Variants in RAB31 observed in about 807,000 individuals in gnomAD.
RAB31 encodes ras-related protein Rab-31.
A neutral mutation model predicts 25.6 loss-of-function variants in RAB31; 21 were observed. That is an observed-to-expected ratio of 0.82 (90% confidence interval 0.58 to 1.18). RAB31 has a LOEUF of 1.18. Ranked by LOEUF, RAB31 falls within the 50% of genes most tolerant of loss-of-function variation. The pLI is 0.00. For missense variants in RAB31, 196 were observed against 250.1 expected, an observed-to-expected ratio of 0.78 and a Z score of 1.46; for synonymous variants, 87 against 84.0, an observed-to-expected ratio of 1.04 and a Z score of -0.20.
At chr18:9,712,961 A>G (rs886097173) in intron 1 of RAB31, among the ~76,000 whole-genome samples, 4 of 152,222 alleles carry the variant, frequency 2.6e-5, no homozygotes, top group African/African-American at 9.6e-5. Flanking sequence ...AGAGCAGTCA[A>G]ATACCTGGGA....
intron 3 of RAB31, among the ~76,000 whole-genome samples, chr18:9,798,363 C>A (rs1404634106): frequency 6.6e-6 from 1 of 152,120 alleles, no homozygotes; most frequent in African/African-American, 2.4e-5. Context: ...GTTTTGGCAG[C>A]TTGTTGCTGG....
chr18:9,719,781 G>A (rs780796441), intron 1 of RAB31, among the ~76,000 whole-genome samples: 1 of 151,894 alleles, frequency 6.6e-6, no homozygotes, highest in Non-Finnish European at 1.5e-5. Context: ...TCATCAGCCC[G>A]ACCTCCTTGA....
At chr18:9,776,105 T>C (rs2068370968) in intron 2 of RAB31, among the ~76,000 whole-genome samples, 2 of 152,176 alleles carry the variant, frequency 1.3e-5, no homozygotes, top group African/African-American at 4.8e-5. Context: ...TCTGGAATTA[T>C]CTAATGCCAG....
chr18:9,856,220 A>G (rs971714472), intron 6 of RAB31: 2 of 152,208 alleles, frequency 1.3e-5, no homozygotes, highest in Non-Finnish European at 2.9e-5. Flanking sequence ...AGTTCAAAAC[A>G]TGCAGGAGGG....
chr18:9,814,133 G>T (rs1473396589), intron 4 of RAB31, 42 bp downstream of exon 4: 2 of 1,426,518 alleles, frequency 1.4e-6, no homozygotes, highest in South Asian at 1.2e-5. Context: ...ATTTATGGTG[G>T]TTCTCTCACT....
chr18:9,831,786 A>G (rs1399186507), intron 5 of RAB31, among the ~76,000 whole-genome samples: 1 of 152,226 alleles, frequency 6.6e-6, no homozygotes, highest in East Asian at 1.9e-4. Flanking sequence ...TCAGGGACAC[A>G]GTTTTCTCGA....
At chr18:9,836,130 G>A (rs1221468324) in intron 5 of RAB31, among the ~76,000 whole-genome samples, 2 of 152,064 alleles carry the variant, frequency 1.3e-5, no homozygotes, top group East Asian at 1.9e-4. Context: ...GCTCACCGCT[G>A]CTGTGCTGCT....
intron 1 of RAB31, among the ~76,000 whole-genome samples, chr18:9,753,905 G>A (rs2068247791): frequency 6.6e-6 from 1 of 152,282 alleles, no homozygotes; most frequent in African/African-American, 2.4e-5. Context: ...TGAAGAAAAG[G>A]CATTGTTGAG....
At chr18:9,743,936 G>A (rs1344189973) in intron 1 of RAB31, among the ~76,000 whole-genome samples, 1 of 152,174 alleles carries the variant, frequency 6.6e-6, no homozygotes, top group Non-Finnish European at 1.5e-5. Flanking sequence ...ATCTTCTGTG[G>A]TCCCAGGCTC....
At chr18:9,759,802 T>C (rs2145482889) in intron 1 of RAB31, among the ~76,000 whole-genome samples, 2 of 152,216 alleles carry the variant, frequency 1.3e-5, no homozygotes, top group African/African-American at 4.8e-5. Context: ...GTAGAAATAG[T>C]GTCAGTGACA....
chr18:9,832,420 GA>G (rs2068683401), intron 5 of RAB31, among the ~76,000 whole-genome samples: 1 of 152,214 alleles, frequency 6.6e-6, no homozygotes, highest in South Asian at 2.1e-4. Flanking sequence ...TTCACAGCAC[GA>G]AGATCATCAG....
intron 5 of RAB31, among the ~76,000 whole-genome samples, chr18:9,837,991 A>G (rs2068713677): frequency 6.6e-6 from 1 of 152,216 alleles, no homozygotes; most frequent in Non-Finnish European, 1.5e-5. Context: ...TCTTTTTGGC[A>G]TTCTGTAAGA....
chr18:9,761,733 C>T (rs1257670090), intron 1 of RAB31, among the ~76,000 whole-genome samples: 1 of 152,190 alleles, frequency 6.6e-6, no homozygotes, highest in Non-Finnish European at 1.5e-5. Context: ...TCATGCATGG[C>T]AGCTTGCAAG....
chr18:9,800,174 A>G (rs1319295259), intron 3 of RAB31, among the ~76,000 whole-genome samples: 2 of 152,226 alleles, frequency 1.3e-5, no homozygotes, highest in Non-Finnish European at 2.9e-5. Context: ...GAAAAGCAAC[A>G]TTGTCATAAA....
intron 1 of RAB31, among the ~76,000 whole-genome samples, chr18:9,763,441 G>A (rs1274685726): frequency 1.3e-5 from 2 of 151,576 alleles, no homozygotes; most frequent in African/African-American, 4.9e-5. Flanking sequence ...TCGAAAACTA[G>A]GAAAGGAATA....
chr18:9,805,949 C>T (rs542400804), intron 3 of RAB31, among the ~76,000 whole-genome samples: 3 of 151,926 alleles, frequency 2.0e-5, no homozygotes, highest in Non-Finnish European at 2.9e-5. Flanking sequence ...CCGAGGCGGG[C>T]GGATCACGAG....
Position 9,859,464 on chromosome 18 carries a change from AG to A in RAB31, c.*144del, listed in dbSNP as rs1201295846. The A allele has an allele frequency of 3.0e-6, 2 of 670,198 alleles. No individual in the cohort carries two copies. Among genetic ancestry groups the A allele is most frequent in the Non-Finnish European group, 4.9e-6 (2 of 408,412 alleles). 41.5% of individuals were successfully genotyped at this position (670,198 alleles called of 1,614,324 possible). ...TGGCTTTGCATCCTGGAAGACCTGCAGGGGGCGGGGCAGGAAATGTACCTGA... is the reference window on the plus strand; with the variant it reads ...TGGCTTTGCATCCTGGAAGACCTGCAGGGGCGGGGCAGGAAATGTACCTGA... On this transcript the variant is annotated 3_prime_UTR_variant, in exon 7 of 7. Coordinates refer to ENST00000578921, the MANE Select transcript of RAB31 (RefSeq NM_006868.4).
chr18:9,829,111 G>A (rs1417804054), intron 5 of RAB31, among the ~76,000 whole-genome samples: 4 of 152,214 alleles, frequency 2.6e-5, no homozygotes, highest in South Asian at 2.1e-4. Context: ...CAAGCATATC[G>A]TAAGGAATAC....
intron 1 of RAB31, among the ~76,000 whole-genome samples, chr18:9,773,057 G>A (rs773630297): frequency 3.3e-5 from 5 of 152,124 alleles, no homozygotes; most frequent in Non-Finnish European, 5.9e-5. Context: ...CGATTTGCAC[G>A]ATGCAGATAA....
Sources: gnomAD v4.1 joint callset for allele counts (sites outside exome capture counted in the v4.1 genomes callset) on GRCh38, gnomAD v4.1.1 for gene constraint, MANE v1.5 for transcripts, NCBI Gene and HGNC (gene_info 2026-07-23, HGNC 2026-07-21) for gene names.